The following DPP6 variants were observed in gnomAD, a reference collection of about 807,000 sequenced individuals.
DPP6 encodes the protein dipeptidyl peptidase like 6.
DPP6 carries 69 observed loss-of-function variants against 122.6 expected under a neutral mutation model. The ratio of observed to expected loss-of-function variants is 0.56; its 90% confidence interval spans 0.46 to 0.69. The LOEUF is 0.69. Among genes scored for constraint, DPP6 ranks in the 30% least tolerant of loss-of-function variants. DPP6 has a pLI of 0.00. For synonymous variants in DPP6, 418 were observed against 433.1 expected, an observed-to-expected ratio of 0.97 and a Z score of 0.43; for missense variants, 928 against 1,116.9, an observed-to-expected ratio of 0.83 and a Z score of 2.41.
At chr7:154,451,725 TG>T (rs1276068946) in intron 2 of DPP6, among the ~76,000 whole-genome samples, 1 of 152,256 alleles carries the variant, frequency 6.6e-6, no homozygotes, top group African/African-American at 2.4e-5. Flanking sequence ...AGTGAATGGC[TG>T]AATTCCAGAG....
chr7:154,442,639 C>A (rs1415764547), intron 1 of DPP6, among the ~76,000 whole-genome samples: 1 of 152,232 alleles, frequency 6.6e-6, no homozygotes, highest in South Asian at 2.1e-4. Context: ...AGAGGACAGA[C>A]TTGCCATGTC....
At chr7:154,286,994 G>A (rs1024203729) in intron 1 of DPP6, among the ~76,000 whole-genome samples, 8 of 152,002 alleles carry the variant, frequency 5.3e-5, no homozygotes, top group African/African-American at 1.9e-4. Flanking sequence ...GTAGAGACAG[G>A]GGTTCACCAT....
At chr7:154,530,432 C>A (rs1827752927) in intron 3 of DPP6, among the ~76,000 whole-genome samples, 1 of 151,892 alleles carries the variant, frequency 6.6e-6, no homozygotes, top group Non-Finnish European at 1.5e-5. Context: ...AAATCAAAAC[C>A]ATAATGAGAC....
At chr7:154,458,815 C>T (rs755656078) in intron 2 of DPP6, among the ~76,000 whole-genome samples, 15 of 152,226 alleles carry the variant, frequency 9.9e-5, no homozygotes, top group Non-Finnish European at 1.6e-4. Context: ...CCACGCACTG[C>T]CCTGTCTGCT....
chr7:154,779,007 ACCAGCACCCCACCATC>A (rs1796800286), intron 10 of DPP6, among the ~76,000 whole-genome samples: 1 of 32,058 alleles, frequency 3.1e-5, no homozygotes, highest in Non-Finnish European at 7.5e-5. Flanking sequence ...AACCTCCACC[ACCAGCACCCCACCATC>A]ACCTCCACCA....
chr7:154,836,860 C>A (rs536051578), intron 16 of DPP6, among the ~76,000 whole-genome samples: 1 of 152,160 alleles, frequency 6.6e-6, no homozygotes, highest in Non-Finnish European at 1.5e-5. Context: ...GTGCCTGCCA[C>A]CACGCCCAGC....
chr7:154,719,138 C>T lies in DPP6; in HGVS notation c.763-8629C>T, dbSNP rs1045319710. On this transcript the variant is annotated intron_variant, in intron 7 of 25. Coordinates refer to ENST00000377770, the MANE Select transcript of DPP6 (RefSeq NM_130797.4). Reference sequence around the variant, plus strand: ...CTTCTCCCATCGCTTATGACTCCTTCTCTCTTGTTCTTCAAACTCGAGTAC... The same window carrying T: ...CTTCTCCCATCGCTTATGACTCCTTTTCTCTTGTTCTTCAAACTCGAGTAC... 1.0e-4 allele frequency among the ~76,000 whole-genome samples: 15 copies of T among 149,308 alleles called. 1 individual carries two copies. The East Asian group carries it at 2.9e-3, about 29-fold the overall frequency.
At chr7:154,450,109 G>A (rs6464424) in intron 2 of DPP6, among the ~76,000 whole-genome samples, 39,853 of 151,816 alleles carry the variant, frequency 0.26, 8,184 homozygotes, top group African/African-American at 0.58. Context: ...GGAATGAAGA[G>A]CTGATCCATG....
rs147916255 is a variant in DPP6 at position 154,673,058 on chromosome 7, G to A, written c.762+3617G>A. ...ACCCCAGAGCCACCACCTCATCACA[G>A]GTACTCCCCACACCTGCTCCGTCTG... On this transcript the variant is annotated intron_variant, in intron 7 of 25. Transcript: ENST00000377770. 1.5e-3 allele frequency among the ~76,000 whole-genome samples: 233 copies of A among 152,206 alleles called. 1 individual carries two copies. Among genetic ancestry groups the A allele is most frequent in the African/African-American group, 5.3e-3 (220 of 41,536 alleles).
At chr7:154,884,344 ACT>A (rs143388023) in intron 21 of DPP6, 48,335 of 147,200 alleles carry the variant, frequency 0.33, 7,971 homozygotes, top group East Asian at 0.51. Context: ...ACATACGCCT[ACT>A]CACACACACA....
chr7:154,614,936 A>T (rs1834139423), intron 5 of DPP6, among the ~76,000 whole-genome samples: 1 of 152,206 alleles, frequency 6.6e-6, no homozygotes, highest in Non-Finnish European at 1.5e-5. Flanking sequence ...GACCGCTGTG[A>T]GTTTAACTGG....
At chr7:154,053,235 C>CG (rs1800532651) in intron 1 of DPP6, among the ~76,000 whole-genome samples, 172 bp downstream of exon 1, 1 of 66 alleles carries the variant, frequency 0.015, no homozygotes, top group Non-Finnish European at 0.038. Flanking sequence ...GCGGTCACCG[C>CG]GTCCCGGAGG....
the DPP6 span, among the ~76,000 whole-genome samples, chr7:153,770,044 C>A: frequency 2.0e-5 from 3 of 152,192 alleles, no homozygotes; most frequent in Admixed American, 6.5e-5. Flanking sequence ...GGGAAGAGTG[C>A]AGAGAAAACT....
chr7:153,851,779 C>T, the DPP6 span, among the ~76,000 whole-genome samples: 3 of 152,052 alleles, frequency 2.0e-5, no homozygotes, highest in Non-Finnish European at 2.9e-5. Context: ...GTACTAATAT[C>T]ACAAATCCCA....
chr7:154,750,188 G>C (rs1843303647), intron 8 of DPP6, among the ~76,000 whole-genome samples: 1 of 152,208 alleles, frequency 6.6e-6, no homozygotes, highest in Admixed American at 6.5e-5. Context: ...TCTTTACAGA[G>C]AAAGGCTCCA....
At chr7:154,286,372 C>G (rs924979040) in intron 1 of DPP6, among the ~76,000 whole-genome samples, 1 of 152,084 alleles carries the variant, frequency 6.6e-6, no homozygotes, top group Non-Finnish European at 1.5e-5. Flanking sequence ...GACATTGAGG[C>G]TTAGGGTCAG....
chr7:154,679,855 C>CA (rs1839177895), intron 7 of DPP6, among the ~76,000 whole-genome samples: 1 of 152,056 alleles, frequency 6.6e-6, no homozygotes. Flanking sequence ...TGGATGGAGA[C>CA]AGTTTGGTGA....
chr7:154,053,132 G>T, intron 1 of DPP6, 69 bp downstream of exon 1: 3 of 924,508 alleles, frequency 3.2e-6, no homozygotes, highest in Non-Finnish European at 3.9e-6. Context: ...AGACGCGTCG[G>T]CAGGGGAAAT....
intron 7 of DPP6, among the ~76,000 whole-genome samples, chr7:154,708,796 C>T (rs899674249): frequency 3.9e-5 from 6 of 152,044 alleles, no homozygotes; most frequent in Non-Finnish European, 7.4e-5. Flanking sequence ...GCCTGTAATC[C>T]CAGCACTTTA....
Sources: gnomAD v4.1 joint callset for allele counts (sites outside exome capture counted in the v4.1 genomes callset) on GRCh38, gnomAD v4.1.1 for gene constraint, MANE v1.5 for transcripts, NCBI Gene and HGNC (gene_info 2026-07-23, HGNC 2026-07-21) for gene names.